MALRD1: variants seen among roughly 807,000 people sequenced by gnomAD.
MALRD1 encodes the protein MAM and LDL receptor class A domain containing 1, also known as MAM and LDL-receptor class A domain-containing protein 1.
A neutral mutation model predicts 242.1 loss-of-function variants in MALRD1; 247 were observed. That is an observed-to-expected ratio of 1.02 (90% CI 0.92 to 1.13). The LOEUF is 1.13. Among genes scored for constraint, MALRD1 ranks in the 50% most tolerant of loss-of-function variants. MALRD1 has a pLI of 0.00. For missense variants in MALRD1, 2,989 were observed against 2,533.1 expected, an observed-to-expected ratio of 1.18 and a Z score of -3.86; for synonymous variants, 995 against 866.6, an observed-to-expected ratio of 1.15 and a Z score of -2.60.
At chr10:19,606,701 C>G (rs1022396604) in intron 34 of MALRD1, among the ~76,000 whole-genome samples, 5 of 152,034 alleles carry the variant, frequency 3.3e-5, no homozygotes, top group Admixed American at 6.6e-5. Context: ...TGGCACAGAC[C>G]AGAACCAGAG....
At chr10:19,123,270 TTC>T (rs915862488) in intron 5 of MALRD1, among the ~76,000 whole-genome samples, 9 of 151,888 alleles carry the variant, frequency 5.9e-5, no homozygotes, top group African/African-American at 1.9e-4. Flanking sequence ...AGTTGTTTTG[TTC>T]TGTTTTTCTC....
At chr10:19,454,801 G>A (rs1301594339) in intron 29 of MALRD1, among the ~76,000 whole-genome samples, 2 of 150,788 alleles carry the variant, frequency 1.3e-5, no homozygotes, top group African/African-American at 4.9e-5. Context: ...ATCTACTTTA[G>A]CTGCAAATAG....
chr10:19,395,388 G>A (rs57210809), intron 28 of MALRD1, among the ~76,000 whole-genome samples: 2,495 of 152,236 alleles, frequency 0.016, 64 homozygotes, highest in African/African-American at 0.057. Context: ...CCAGAAAGGT[G>A]GGACAACTTG....
At chr10:19,249,935 TG>T (rs1258974862) in intron 18 of MALRD1, among the ~76,000 whole-genome samples, 1 of 151,868 alleles carries the variant, frequency 6.6e-6, no homozygotes, top group Non-Finnish European at 1.5e-5. Flanking sequence ...AACATAAAAA[TG>T]GGGGAAATTT....
At chr10:19,539,711 G>C (rs1438924759) in intron 32 of MALRD1, among the ~76,000 whole-genome samples, 2 of 151,670 alleles carry the variant, frequency 1.3e-5, no homozygotes, top group South Asian at 4.2e-4. Context: ...TTTTGAGACA[G>C]GGTCTCACTC....
chr10:19,272,078 G>C (rs1484483916), intron 19 of MALRD1, among the ~76,000 whole-genome samples: 1 of 151,708 alleles, frequency 6.6e-6, no homozygotes, highest in African/African-American at 2.4e-5. Flanking sequence ...GATCAAAACT[G>C]GCTATTTATA....
At chr10:19,139,685 G>A (rs926422532) in intron 10 of MALRD1, among the ~76,000 whole-genome samples, 6 of 152,092 alleles carry the variant, frequency 3.9e-5, no homozygotes, top group Admixed American at 3.3e-4. Context: ...CCTCCAGACC[G>A]GTGGCTCTTC....
intron 31 of MALRD1, among the ~76,000 whole-genome samples, chr10:19,518,001 T>G (rs1833714075): frequency 6.6e-6 from 1 of 152,208 alleles, no homozygotes; most frequent in Non-Finnish European, 1.5e-5. Context: ...TTCAGAGAGC[T>G]CTGCCTGAGT....
intron 32 of MALRD1, among the ~76,000 whole-genome samples, chr10:19,562,977 G>C (rs547712616): frequency 6.6e-6 from 1 of 152,186 alleles, no homozygotes; most frequent in Admixed American, 6.5e-5. Context: ...AAAGACTGGG[G>C]ATCACTGCTC....
At chr10:19,720,630 T>C (rs1589442384) in intron 38 of MALRD1, among the ~76,000 whole-genome samples, 1 of 152,332 alleles carries the variant, frequency 6.6e-6, no homozygotes, top group African/African-American at 2.4e-5. Flanking sequence ...TTTGCCTCAA[T>C]TCTATTTTCC....
At chr10:19,527,228 A>T (rs1834140981) in intron 31 of MALRD1, among the ~76,000 whole-genome samples, 1 of 152,168 alleles carries the variant, frequency 6.6e-6, no homozygotes, top group Non-Finnish European at 1.5e-5. Flanking sequence ...GACTTGAGTT[A>T]CTTCAGGAGC....
intron 36 of MALRD1, among the ~76,000 whole-genome samples, chr10:19,632,658 C>T (rs1419667354): frequency 6.6e-6 from 1 of 152,050 alleles, no homozygotes; most frequent in Non-Finnish European, 1.5e-5. Context: ...TTCTCCCAAC[C>T]TTACATGCTG....
intron 38 of MALRD1, among the ~76,000 whole-genome samples, chr10:19,717,214 C>G (rs1317357428): frequency 1.3e-5 from 2 of 152,170 alleles, no homozygotes; most frequent in Non-Finnish European, 2.9e-5. Context: ...GCATGCAACT[C>G]AATCTCAGTG....
chr10:19,599,624 GATATCGC>G (rs1259774294), intron 34 of MALRD1, among the ~76,000 whole-genome samples: 1 of 152,100 alleles, frequency 6.6e-6, no homozygotes, highest in Non-Finnish European at 1.5e-5. Flanking sequence ...AATAGTTATT[GATATCGC>G]ATAGGTTGAA....
chr10:19,534,204 A>G (rs534128862), intron 32 of MALRD1, among the ~76,000 whole-genome samples: 1 of 152,290 alleles, frequency 6.6e-6, no homozygotes, highest in East Asian at 1.9e-4. Context: ...CTCAGCAAAA[A>G]CTATTTTCAT....
chr10:19,374,011 G>A lies in MALRD1; in HGVS notation c.4442-13517G>A, dbSNP rs189760776. Among the ~76,000 whole-genome samples the A allele has an allele frequency of 1.2e-3, 185 of 152,286 alleles. 2 individuals carry two copies. The highest frequency in any genetic ancestry group is 1.1e-3 in the Non-Finnish European group (77 of 68,008). ...GCTCTCTTAGCATAAATTATTGTTT[G>A]CGCTGGGAAATTGTTTAAGCGGCTA... On this transcript the variant is annotated intron_variant, in intron 26 of 39. Transcript: ENST00000454679.
At chr10:19,530,503 T>C (rs1168085301) in intron 31 of MALRD1, among the ~76,000 whole-genome samples, 1 of 141,478 alleles carries the variant, frequency 7.1e-6, no homozygotes, top group African/African-American at 2.6e-5. Flanking sequence ...AATATAAATA[T>C]ATTAATAGTC....
intron 18 of MALRD1, among the ~76,000 whole-genome samples, chr10:19,212,557 T>C (rs1837117171): frequency 6.6e-6 from 1 of 152,246 alleles, no homozygotes; most frequent in South Asian, 2.1e-4. Context: ...TGAACATTTG[T>C]GTTGATATCA....
intron 28 of MALRD1, among the ~76,000 whole-genome samples, chr10:19,443,580 T>C (rs565799852): frequency 4.6e-5 from 7 of 152,230 alleles, no homozygotes; most frequent in Admixed American, 3.3e-4. Context: ...TGTTATGTAC[T>C]CAGTAGTCAT....
Sources: allele counts gnomAD v4.1 joint callset (sites outside exome capture counted in the v4.1 genomes callset), GRCh38; gene constraint gnomAD v4.1.1; transcripts MANE v1.5; gene names NCBI Gene and HGNC (gene_info 2026-07-23, HGNC 2026-07-21).